Variants in PMF1 observed in about 807,000 individuals in gnomAD.
PMF1 encodes the protein polyamine modulated factor 1.
In PMF1, 21 loss-of-function variants were observed where a neutral mutation model predicts 26.7. That is an observed-to-expected ratio of 0.79 (90% CI 0.56 to 1.13). The LOEUF is 1.13. Ranked by LOEUF, PMF1 falls within the 50% of genes most tolerant of loss-of-function variation. PMF1 has a pLI of 0.00. For synonymous variants in PMF1, 105 were observed against 101.0 expected (o/e 1.04, Z -0.24); for missense variants, 266 against 254.9 (o/e 1.04, Z -0.30).
chr1:156,218,747 A>G (rs949871970), intron 1 of PMF1, among the ~76,000 whole-genome samples: 4 of 152,018 alleles, frequency 2.6e-5, no homozygotes. Context: ...GCGCCACTGC[A>G]TTCCAGCCTG....
chr1:156,238,951 C>T (rs1372293345), intron 4 of PMF1, among the ~76,000 whole-genome samples: 2 of 151,814 alleles, frequency 1.3e-5, no homozygotes, highest in East Asian at 1.9e-4. Context: ...ACTCCCAGGG[C>T]CCCCTGCTGA....
chr1:156,220,080 C>T (rs1335147415), intron 1 of PMF1, among the ~76,000 whole-genome samples: 2 of 151,952 alleles, frequency 1.3e-5, no homozygotes, highest in Non-Finnish European at 2.9e-5. Flanking sequence ...TCTCCTGCCT[C>T]AGCCTCCCGG....
At position 156,219,827 on chromosome 1, in the gene PMF1, G is replaced by A. The variant is rs367605366; in HGVS notation, c.161+6651G>A. 1.7e-3 allele frequency among the ~76,000 whole-genome samples: 260 copies of A among 152,266 alleles called. 1 individual carries two copies. The South Asian group carries it at 0.019, about 11-fold the overall frequency. On this transcript the variant is annotated intron_variant, in intron 1 of 4. Coordinates refer to ENST00000368277, the MANE Select transcript of PMF1 (RefSeq NM_007221.4). ...TGCAGTGGCATGATCACAGCTCACT[G>A]CAACCTCCGCCTCCCTGGCTTAGGT... is the stretch of plus-strand genomic sequence containing the variant.
chr1:156,238,574 A>G (rs1361381580), intron 4 of PMF1, among the ~76,000 whole-genome samples: 1 of 152,244 alleles, frequency 6.6e-6, no homozygotes, highest in African/African-American at 2.4e-5. Flanking sequence ...CCTTCATGTC[A>G]GTATCCAATG....
chr1:156,236,373 G>A lies in PMF1; in HGVS notation c.454G>A (p.Val152Met). 1 of 1,614,256 alleles carries A rather than the reference G, an allele frequency of 6.2e-7. No individual in the cohort carries two copies. Among genetic ancestry groups the A allele is most frequent in the Admixed American group, 1.7e-5 (1 of 60,038 alleles). ...GCAACGGGACACCCTGCGGCGCCAT[G>A]TGCAGAAACAGGAGGCCGAGAACCA... is the stretch of plus-strand genomic sequence containing the variant. ...LQQRDTLRRH[V>M]QKQEAENQQL... The change falls in exon 4 of 5, where the codon GTG becomes ATG. Residue 152 changes from valine to methionine, a missense_variant. Physicochemically the swap from Val to Met is conservative, Grantham distance 21 (BLOSUM62 1). Transcript: ENST00000368277.
intron 1 of PMF1, among the ~76,000 whole-genome samples, chr1:156,224,341 C>T (rs1360014141): frequency 6.6e-6 from 1 of 152,204 alleles, no homozygotes; most frequent in African/African-American, 2.4e-5. Context: ...CAATATTTTA[C>T]GGTTAACCAC....
At chr1:156,232,584 C>G (rs146794678) in intron 2 of PMF1, among the ~76,000 whole-genome samples, 159 bp downstream of exon 2, 240 of 152,340 alleles carry the variant, frequency 1.6e-3, no homozygotes, top group Non-Finnish European at 2.4e-3. Flanking sequence ...CGTCACTCCC[C>G]TCCAAATGAT....
At chr1:156,232,507 C>G (rs1481300869) in intron 2 of PMF1, 82 bp downstream of exon 2, 15 of 1,325,816 alleles carry the variant, frequency 1.1e-5, no homozygotes, top group Non-Finnish European at 1.4e-5. Flanking sequence ...AGTGGCCCCA[C>G]CCTCTACACC....
chr1:156,228,042 C>A (rs939802716), intron 1 of PMF1, among the ~76,000 whole-genome samples: 1 of 151,044 alleles, frequency 6.6e-6, no homozygotes, highest in African/African-American at 2.4e-5. Flanking sequence ...TCAAGTGATT[C>A]TCCTGCCTCA....
chr1:156,214,620 G>A (rs1004039362), intron 1 of PMF1, among the ~76,000 whole-genome samples: 4 of 152,120 alleles, frequency 2.6e-5, no homozygotes, highest in Admixed American at 6.6e-5. Context: ...ACTCATGCCT[G>A]TAATCCCCGT....
chr1:156,227,794 G>A (rs1658452400), intron 1 of PMF1, among the ~76,000 whole-genome samples: 2 of 151,640 alleles, frequency 1.3e-5, no homozygotes, highest in African/African-American at 4.8e-5. Context: ...CACTGCGCCT[G>A]GCCTTAAATT....
intron 1 of PMF1, among the ~76,000 whole-genome samples, chr1:156,223,020 G>A (rs1384774156): frequency 6.6e-6 from 1 of 152,214 alleles, no homozygotes; most frequent in African/African-American, 2.4e-5. Flanking sequence ...AGGAAAAAGA[G>A]TGGTTTAATA....
Position 156,239,609 on chromosome 1 carries a change from G to A in PMF1, c.*8G>A, listed in dbSNP as rs372331191. ...CTGAGGGAGCCTGAGTGAGGAGACC[G>A]CCAGCCCCAGAAGCAGAGGGCAGTC... is the stretch of plus-strand genomic sequence containing the variant. On this transcript the variant is annotated 3_prime_UTR_variant, in exon 5 of 5. Coordinates refer to ENST00000368277, the MANE Select transcript of PMF1 (RefSeq NM_007221.4). 7.5e-5 allele frequency: 120 copies of A among 1,610,302 alleles called. 2 individuals carry two copies. In the South Asian group the frequency reaches 7.7e-4, roughly 10 times the overall value.
chr1:156,231,051 C>T (rs1443722909), intron 1 of PMF1, among the ~76,000 whole-genome samples: 7 of 151,730 alleles, frequency 4.6e-5, no homozygotes, highest in African/African-American at 1.7e-4. Flanking sequence ...CCCGTCTCTA[C>T]TAAAAATACA....
At chr1:156,236,650 C>A (rs1267527787) in intron 4 of PMF1, 167 bp downstream of exon 4, 2 of 834,566 alleles carry the variant, frequency 2.4e-6, no homozygotes, top group Non-Finnish European at 3.6e-6. Flanking sequence ...TGTGCAGTAG[C>A]CTCTGCCAGC....
In PMF1 at chr1:156,233,654, G is replaced by A; in HGVS notation, c.294G>A (p.Glu98=). 6.2e-7 allele frequency: 1 copy of A among 1,614,072 alleles called. No individual in the cohort carries two copies. The highest frequency in any genetic ancestry group is 2.2e-5 in the East Asian group (1 of 44,882). The change falls in exon 3 of 5, where the codon GAG becomes GAA. Residue 98 remains glutamate (E), a synonymous_variant. Transcript: ENST00000368277. ...AGGAAATCTCTGACATCAAAGAGGAGGGGAACCTAGAAGCTGTCTTGAATG... is the reference window on the plus strand; with the variant it reads ...AGGAAATCTCTGACATCAAAGAGGAAGGGAACCTAGAAGCTGTCTTGAATG... The part of the protein sequence containing the change: ...IREEISDIKE[E]GNLEAVLNAL...
Position 156,213,097 on chromosome 1 carries a change from C to T in PMF1, c.82C>T (p.Pro28Ser). ...HEGSSSESVP[P>S]GTTISRVKLL... ...GGGGTCGTCTTCGGAATCTGTGCCACCCGGCACTACCATTTCGAGGGTGAA... is the reference window on the plus strand; with the variant it reads ...GGGGTCGTCTTCGGAATCTGTGCCATCCGGCACTACCATTTCGAGGGTGAA... Residue 28 changes from proline (P) to serine (S), a missense_variant, in exon 1 of 5, where the codon CCC (proline) becomes TCC (serine). Coordinates refer to ENST00000368277, the MANE Select transcript of PMF1 (RefSeq NM_007221.4). 6.2e-7 allele frequency: 1 copy of T among 1,614,242 alleles called. No homozygotes were observed. The highest frequency in any genetic ancestry group is 1.7e-5 in the Admixed American group (1 of 60,032).
intron 4 of PMF1, 141 bp downstream of exon 4, chr1:156,236,624 T>A: frequency 8.9e-7 from 1 of 1,127,094 alleles, no homozygotes; most frequent in Non-Finnish European, 1.2e-6. Context: ...AGTCATGAAT[T>A]ACCTCTCCTT....
intron 4 of PMF1, among the ~76,000 whole-genome samples, chr1:156,238,294 T>C (rs115824086): frequency 1.3e-5 from 2 of 152,364 alleles, no homozygotes; most frequent in African/African-American, 4.8e-5. Context: ...TATATTAGAA[T>C]GACTTGTAGA....
Sources: allele counts gnomAD v4.1 joint callset (sites outside exome capture counted in the v4.1 genomes callset), GRCh38; gene constraint gnomAD v4.1.1; transcripts MANE v1.5; gene names NCBI Gene and HGNC (gene_info 2026-07-23, HGNC 2026-07-21).